OVCH2: variants seen among roughly 807,000 people sequenced by gnomAD.
OVCH2 encodes the protein ovochymase 2.
Under a neutral mutation model 73.7 loss-of-function variants are expected in OVCH2, and 88 were observed. That is an observed-to-expected ratio of 1.19 (90% confidence interval 1.01 to 1.43). OVCH2 has a LOEUF of 1.43. Among genes scored for constraint, OVCH2 ranks in the 40% most tolerant of loss-of-function variants. The pLI is 0.00. For missense variants in OVCH2, 706 were observed against 674.5 expected (o/e 1.05, Z -0.52); for synonymous variants, 265 against 234.5 (o/e 1.13, Z -1.19).
At chr11:7,695,754 A>G (rs777539044) in intron 10 of OVCH2, 44 bp from the exon 11 acceptor site, 3 of 1,564,804 alleles carry the variant, frequency 1.9e-6, no homozygotes, top group South Asian at 1.2e-5. Flanking sequence ...AATCTAGAAA[A>G]TAGTTCCCAT....
At chr11:7,680,941 G>A in the OVCH2 span, among the ~76,000 whole-genome samples, 1 of 152,318 alleles carries the variant, frequency 6.6e-6, no homozygotes, top group Non-Finnish European at 1.5e-5. Flanking sequence ...CTGTTCTGAT[G>A]TTCTCATTGC....
At chr11:7,694,220 A>G (rs1249228190) in intron 12 of OVCH2, among the ~76,000 whole-genome samples, 1 of 152,220 alleles carries the variant, frequency 6.6e-6, no homozygotes, top group Admixed American at 6.5e-5. Flanking sequence ...CCCTGACTGC[A>G]GTCCTACTTC....
intron 1 of OVCH2, among the ~76,000 whole-genome samples, chr11:7,704,875 G>A (rs1856504917): frequency 6.6e-6 from 1 of 152,180 alleles, no homozygotes; most frequent in Admixed American, 6.5e-5. Flanking sequence ...GTGGAGTGAA[G>A]TGTCCTGATT....
the OVCH2 span, among the ~76,000 whole-genome samples, chr11:7,680,466 G>A: frequency 6.6e-6 from 1 of 152,054 alleles, no homozygotes; most frequent in Non-Finnish European, 1.5e-5. Context: ...TCAATTATCC[G>A]GGTGGGCCTG....
At chr11:7,702,065 G>T (rs975652710) in intron 4 of OVCH2, 92 bp downstream of exon 4, 3 of 1,190,538 alleles carry the variant, frequency 2.5e-6, no homozygotes, top group Middle Eastern at 1.9e-4. Flanking sequence ...CAAAGTGCAT[G>T]ACCCAGAACG....
Position 7,695,060 on chromosome 11 carries a change from T to C in OVCH2, c.1411A>G (p.Lys471Glu). ...GTAAGGACAGCCAAAGTCAATACCT[T>C]AATTAGGTGATGTTTGGAGGCTTGA... The part of the protein sequence containing the change: ...IFQASKHHLI[K>E]LSFQSLEIEE... Residue 471 changes from lysine (K) to glutamate (E), a missense_variant and splice_region_variant, in exon 12 of 16, where the codon AAG becomes GAG. Transcript: ENST00000533663. 6.5e-7 allele frequency: 1 copy of C among 1,549,718 alleles called. No individual in the cohort carries two copies. The highest frequency in any genetic ancestry group is 8.7e-7 in the Non-Finnish European group (1 of 1,146,552).
At chr11:7,692,882 T>C (rs1338229038) in intron 12 of OVCH2, among the ~76,000 whole-genome samples, 1 of 152,230 alleles carries the variant, frequency 6.6e-6, no homozygotes, top group Non-Finnish European at 1.5e-5. Flanking sequence ...CAGCATAATA[T>C]TTCATTTATC....
chr11:7,696,808 G>C lies in OVCH2; in HGVS notation c.926-9C>G. 1 of 1,600,818 alleles carries C rather than the reference G, an allele frequency of 6.2e-7. No homozygotes were observed. The highest frequency in any genetic ancestry group is 8.5e-7 in the Non-Finnish European group (1 of 1,173,858). On this transcript the variant is annotated splice_polypyrimidine_tract_variant and intron_variant, in intron 8 of 15. Coordinates refer to ENST00000533663, the MANE Select transcript of OVCH2 (RefSeq NM_198185.7). ...CTGCTCACTGCACCAGGCTGGGAGG[G>C]AAAGCCAGGAGAGTCAGGGTTAGTT...
At chr11:7,704,061 C>T (rs1856491168) in intron 2 of OVCH2, among the ~76,000 whole-genome samples, 1 of 152,138 alleles carries the variant, frequency 6.6e-6, no homozygotes, top group Non-Finnish European at 1.5e-5. Context: ...GATGTATTTA[C>T]TTATTTTTAT....
In OVCH2 at chr11:7,691,932, GCACTGT is replaced by G. The variant is rs1358337824; in HGVS notation, c.1471_1476del (p.Thr491_Val492del). 56 of 1,576,008 alleles carry G rather than the reference GCACTGT, an allele frequency of 3.6e-5. No individual in the cohort carries two copies. Among genetic ancestry groups the G allele is most frequent in the Non-Finnish European group, 4.7e-5 (54 of 1,159,118 alleles). ...TCCTTCTTCCTTTCTACATCGCTGT[GCACTGT>G]CACATAGTCGGAAGTGCAGTCTCCA... On this transcript the variant is annotated inframe_deletion, in exon 13 of 16. Transcript: ENST00000533663.
At chr11:7,685,911 G>A (rs1390572476), downstream of OVCH2, among the ~76,000 whole-genome samples, 1 of 152,140 alleles carries the variant, frequency 6.6e-6, no homozygotes, top group African/African-American at 2.4e-5. Flanking sequence ...CAGGTATCTT[G>A]CTGGATTCTA....
chr11:7,703,564 C>G (rs187477170), intron 3 of OVCH2, 134 bp downstream of exon 3: 896 of 643,104 alleles, frequency 1.4e-3, no homozygotes, highest in Middle Eastern at 2.3e-3. Context: ...TTGTGTCATG[C>G]AATTAGGATA....
intron 1 of OVCH2, chr11:7,705,506 T>A (rs1280366608): frequency 6.6e-6 from 1 of 152,216 alleles, no homozygotes; most frequent in Non-Finnish European, 1.5e-5. Context: ...TAGATCAACA[T>A]GTTAAAATAT....
intron 6 of OVCH2, 60 bp downstream of exon 6, chr11:7,701,264 A>G (rs1856431507): frequency 6.5e-7 from 1 of 1,532,432 alleles, no homozygotes; most frequent in Non-Finnish European, 8.7e-7. Flanking sequence ...GAAAACTAGA[A>G]GAAAACAAAA....
chr11:7,697,063 G>A (rs920639651), intron 8 of OVCH2: 1 of 460,878 alleles, frequency 2.2e-6, no homozygotes, highest in Non-Finnish European at 3.9e-6. Flanking sequence ...TTGAGGCAGG[G>A]CCTCAATCTC....
chr11:7,703,272 G>A (rs565957252), intron 3 of OVCH2, among the ~76,000 whole-genome samples: 7 of 152,262 alleles, frequency 4.6e-5, no homozygotes, highest in Non-Finnish European at 1.0e-4. Flanking sequence ...AGAGAGGCAG[G>A]ATCAATGGGA....
At chr11:7,698,934 G>T in intron 7 of OVCH2, 161 bp from the exon 8 acceptor site, 1 of 646,302 alleles carries the variant, frequency 1.5e-6, no homozygotes, top group Non-Finnish European at 2.6e-6. Context: ...GGATAAAGTA[G>T]GAAAGGGCCT....
chr11:7,687,928 C>G (rs1031051516), downstream of OVCH2, among the ~76,000 whole-genome samples: 1 of 152,016 alleles, frequency 6.6e-6, no homozygotes, highest in African/African-American at 2.4e-5. Context: ...TCTTGTGCGT[C>G]TCTTCTTATA....
chr11:7,693,853 A>G (rs764051918), intron 12 of OVCH2, among the ~76,000 whole-genome samples: 15 of 152,144 alleles, frequency 9.9e-5, no homozygotes, highest in Non-Finnish European at 7.4e-5. Context: ...TTCCCATCTA[A>G]TTATTCTCCC....
Sources: gnomAD v4.1 joint callset for allele counts (sites outside exome capture counted in the v4.1 genomes callset) on GRCh38, gnomAD v4.1.1 for gene constraint, MANE v1.5 for transcripts, NCBI Gene and HGNC (gene_info 2026-07-23, HGNC 2026-07-21) for gene names.